The following SRPK2 variants were observed in gnomAD, a reference collection of about 807,000 sequenced individuals.
SRPK2 encodes SRSF protein kinase 2, also known as SFRS protein kinase 2.
A neutral mutation model predicts 90.8 loss-of-function variants in SRPK2; 21 were observed. The observed-to-expected ratio is 0.23, with a 90% CI of 0.16 to 0.33. The LOEUF (loss-of-function observed/expected upper bound fraction) is 0.33, where lower values mean the gene tolerates loss of function less well. Among genes scored for constraint, SRPK2 ranks in the 10% least tolerant of loss-of-function variants. SRPK2 has a pLI of 1.00. For missense variants in SRPK2, 620 were observed against 869.0 expected (o/e 0.71, Z 3.60); for synonymous variants, 288 against 311.1 (o/e 0.93, Z 0.78).
chr7:105,274,347 A>G (rs372454655), intron 2 of SRPK2, among the ~76,000 whole-genome samples: 2 of 152,164 alleles, frequency 1.3e-5, no homozygotes, highest in Non-Finnish European at 2.9e-5. Context: ...GGATCATTTG[A>G]GGTCAGGAGT....
At chr7:105,202,251 G>A (rs1795658204) in intron 3 of SRPK2, among the ~76,000 whole-genome samples, 1 of 152,050 alleles carries the variant, frequency 6.6e-6, no homozygotes, top group African/African-American at 2.4e-5. Flanking sequence ...CACTGTTTCT[G>A]AACCAACATA....
intron 2 of SRPK2, among the ~76,000 whole-genome samples, chr7:105,359,875 T>C (rs1311936229): frequency 6.6e-6 from 1 of 152,138 alleles, no homozygotes; most frequent in African/African-American, 2.4e-5. Context: ...GTGGAGAATT[T>C]TGTAGATATC....
In SRPK2 at chr7:105,205,557, A is replaced by T. The variant is rs1585170827; in HGVS notation, c.72-1772T>A. ...CACACACACACACACACACACACAC[A>T]CACACACACACACCACTTCCAGAAT... On this transcript the variant is annotated intron_variant, in intron 2 of 15. Transcript: ENST00000393651. 3.9e-5 allele frequency among the ~76,000 whole-genome samples: 5 copies of T among 128,242 alleles called. No individual in the cohort carries two copies. In the East Asian group the frequency reaches 9.8e-4, roughly 25 times the overall value. The allele number at this position is 128,242 out of a possible 152,430, so 84.1% of individuals were successfully genotyped here.
intron 2 of SRPK2, among the ~76,000 whole-genome samples, chr7:105,302,857 T>C (rs2131280602): frequency 6.6e-6 from 1 of 152,144 alleles, no homozygotes; most frequent in Middle Eastern, 3.4e-3. Flanking sequence ...TGCCTTAACA[T>C]TTAATTTCTG....
chr7:105,344,954 G>C (rs981410604), intron 2 of SRPK2, among the ~76,000 whole-genome samples: 1 of 151,920 alleles, frequency 6.6e-6, no homozygotes, highest in African/African-American at 2.4e-5. Flanking sequence ...TGGCCAACAT[G>C]GTGAAACCCT....
intron 2 of SRPK2, among the ~76,000 whole-genome samples, chr7:105,258,329 A>T (rs6968238): frequency 0.43 from 63,869 of 149,948 alleles, 15,074 homozygotes; most frequent in Non-Finnish European, 0.53. Flanking sequence ...AGACAGGAGA[A>T]TTGCTTGAAC....
intron 2 of SRPK2, among the ~76,000 whole-genome samples, chr7:105,239,432 AC>A (rs1224007649): frequency 6.6e-6 from 1 of 152,252 alleles, no homozygotes; most frequent in Non-Finnish European, 1.5e-5. Flanking sequence ...AGAACAAAGG[AC>A]ATTTTTCCTA....
chr7:105,319,501 C>A (rs1426626786), intron 2 of SRPK2, among the ~76,000 whole-genome samples: 1 of 1,204 alleles, frequency 8.3e-4, no homozygotes, highest in African/African-American at 3.6e-3. Flanking sequence ...AATGCACTTG[C>A]GGCGGGGGGG....
At chr7:105,192,233 C>T (rs993410663) in intron 3 of SRPK2, among the ~76,000 whole-genome samples, 1 of 152,088 alleles carries the variant, frequency 6.6e-6, no homozygotes, top group Non-Finnish European at 1.5e-5. Context: ...CCTGAGTCCC[C>T]AAAGTCTACA....
Position 105,240,340 on chromosome 7 carries a change from T to C in SRPK2, c.72-36555A>G, listed in dbSNP as rs60968925. 2.8e-3 allele frequency among the ~76,000 whole-genome samples: 428 copies of C among 152,332 alleles called. 11 individuals are homozygous for C. The East Asian group carries it at 0.055, about 19-fold the overall frequency. ...ATCACATTGGGGGTTAGGAATTCAA[T>C]ATATGAATTTTAGGGGAACATATTC... On this transcript the variant is annotated intron_variant, in intron 2 of 15. Transcript: ENST00000393651.
At chr7:105,306,643 C>T in intron 2 of SRPK2, 1 of 371,748 alleles carries the variant, frequency 2.7e-6, no homozygotes, top group Non-Finnish European at 5.2e-6. Flanking sequence ...GGCAAGATGC[C>T]ACCTTCAGTT....
intron 2 of SRPK2, among the ~76,000 whole-genome samples, chr7:105,253,111 C>T (rs529373406): frequency 2.6e-5 from 4 of 152,226 alleles, no homozygotes; most frequent in South Asian, 2.1e-4. Context: ...GAAAAAAATA[C>T]GTAAGACTTA....
intron 1 of SRPK2, among the ~76,000 whole-genome samples, chr7:105,398,345 C>T (rs1012600694): frequency 6.6e-5 from 10 of 151,020 alleles, no homozygotes; most frequent in Non-Finnish European, 1.3e-4. Context: ...TCATATCACC[C>T]GTCTTGGGGC....
At chr7:105,288,657 A>C (rs1381259343) in intron 2 of SRPK2, among the ~76,000 whole-genome samples, 1 of 152,176 alleles carries the variant, frequency 6.6e-6, no homozygotes, top group Admixed American at 6.5e-5. Context: ...AGCCCAAAAA[A>C]TAACAAGTTT....
At chr7:105,340,552 C>G (rs1369659681) in intron 2 of SRPK2, among the ~76,000 whole-genome samples, 1 of 152,142 alleles carries the variant, frequency 6.6e-6, no homozygotes, top group East Asian at 1.9e-4. Flanking sequence ...GGTGGGAACA[C>G]TAGCACACAC....
intron 3 of SRPK2, among the ~76,000 whole-genome samples, chr7:105,201,857 C>T (rs1174674601): frequency 6.6e-6 from 1 of 151,968 alleles, no homozygotes; most frequent in African/African-American, 2.4e-5. Context: ...GCACTCCAGC[C>T]TGGGCAACAG....
chr7:105,393,468 T>C (rs546443008), upstream of SRPK2, among the ~76,000 whole-genome samples: 29 of 145,326 alleles, frequency 2.0e-4, no homozygotes, highest in South Asian at 3.4e-3. Context: ...TCTTTTTTTT[T>C]TTTTTTTTTT....
chr7:105,182,343 T>C (rs1355521601), intron 3 of SRPK2, among the ~76,000 whole-genome samples: 2 of 146,750 alleles, frequency 1.4e-5, no homozygotes, highest in Non-Finnish European at 3.0e-5. Context: ...TAAGGTGAAA[T>C]AAATTAACTA....
intron 3 of SRPK2, among the ~76,000 whole-genome samples, chr7:105,170,934 G>GAAAGAAA (rs1213885011): frequency 4.8e-4 from 14 of 29,120 alleles, no homozygotes; most frequent in African/African-American, 1.6e-3. Flanking sequence ...AAAAGAAAAA[G>GAAAGAAA]GAAAGAAAGA....
Sources: gnomAD v4.1 joint callset for allele counts (sites outside exome capture counted in the v4.1 genomes callset) on GRCh38, gnomAD v4.1.1 for gene constraint, MANE v1.5 for transcripts, NCBI Gene and HGNC (gene_info 2026-07-23, HGNC 2026-07-21) for gene names.